TMEM67: variants seen among roughly 807,000 people sequenced by gnomAD.
TMEM67 encodes the protein transmembrane protein 67, also known as meckelin.
Under a neutral mutation model 136.6 loss-of-function variants are expected in TMEM67, and 124 were observed. The observed-to-expected ratio is 0.91, with a 90% CI of 0.78 to 1.05. The LOEUF is 1.05. TMEM67 is among the 50% of genes least tolerant of loss of function. The pLI, the probability that TMEM67 is intolerant of heterozygous loss-of-function variation, is 0.00. For missense variants in TMEM67, 1,107 were observed against 1,178.4 expected, an observed-to-expected ratio of 0.94 and a Z score of 0.89; for synonymous variants, 364 against 390.5, an observed-to-expected ratio of 0.93 and a Z score of 0.80.
the TMEM67 span, among the ~76,000 whole-genome samples, chr8:93,825,825 C>T: frequency 6.6e-6 from 1 of 152,186 alleles, no homozygotes; most frequent in Non-Finnish European, 1.5e-5. Context: ...GAGGTTATCT[C>T]TCTTGGGGGA....
At chr8:93,818,396 C>A (rs577367016), downstream of TMEM67, among the ~76,000 whole-genome samples, 1 of 152,156 alleles carries the variant, frequency 6.6e-6, no homozygotes, top group African/African-American at 2.4e-5. Context: ...TAGACCAGTG[C>A]CTCTGTTATG....
intron 7 of TMEM67, among the ~76,000 whole-genome samples, chr8:93,773,850 C>CCTTAGTT (rs1424743903): frequency 6.6e-6 from 1 of 151,786 alleles, no homozygotes; most frequent in Non-Finnish European, 1.5e-5. Flanking sequence ...ATGAGTTTTT[C>CCTTAGTT]CTTAGTTCTT....
At chr8:93,823,064 A>AT (rs1317344044), downstream of TMEM67, among the ~76,000 whole-genome samples, 1 of 152,254 alleles carries the variant, frequency 6.6e-6, no homozygotes, top group Non-Finnish European at 1.5e-5. Context: ...CAATAAAAGC[A>AT]TAGTAAGTAC....
At chr8:93,766,294 A>G (rs940519731) in intron 6 of TMEM67, among the ~76,000 whole-genome samples, 1 of 151,542 alleles carries the variant, frequency 6.6e-6, no homozygotes, top group Non-Finnish European at 1.5e-5. Flanking sequence ...AATTTTTTGT[A>G]TTTTCAGTAG....
In TMEM67 at chr8:93,804,753, T is replaced by C. The variant is rs1815054161; in HGVS notation, c.2323-9T>C. On this transcript the variant is annotated splice_polypyrimidine_tract_variant and intron_variant, in intron 22 of 27. Transcript: ENST00000453321. ...TTGCTATTTGCTTCTTTTTATTCTC[T>C]TTTTATAGATATCAGTGTTTCTGTT... 1.3e-6 allele frequency: 2 copies of C among 1,504,090 alleles called. No individual in the cohort carries two copies. The highest frequency in any genetic ancestry group is 1.4e-5 in the African/African-American group (1 of 72,618). The allele number at this position is 1,504,090 out of a possible 1,614,324, so 93.2% of individuals were successfully genotyped here. A position where few individuals can be genotyped will look rare whatever the true frequency, so the allele number is the denominator to read the frequency against.
chr8:93,768,242 T>G (rs1417420741), intron 6 of TMEM67, among the ~76,000 whole-genome samples: 2 of 150,692 alleles, frequency 1.3e-5, no homozygotes, highest in Admixed American at 6.7e-5. Flanking sequence ...GTATGTCCTC[T>G]CACCAAACGT....
intron 4 of TMEM67, among the ~76,000 whole-genome samples, chr8:93,764,300 A>G (rs929071436): frequency 6.6e-6 from 1 of 152,202 alleles, no homozygotes; most frequent in African/African-American, 2.4e-5. Context: ...CACTCTGTAC[A>G]GGGTAGCTAT....
At chr8:93,801,771 T>A (rs1814882396) in intron 21 of TMEM67, among the ~76,000 whole-genome samples, 1 of 152,178 alleles carries the variant, frequency 6.6e-6, no homozygotes, top group African/African-American at 2.4e-5. Flanking sequence ...ATTAACTTTT[T>A]AAATATATAC....
At chr8:93,762,866 A>G in intron 3 of TMEM67, 1 of 365,626 alleles carries the variant, frequency 2.7e-6, no homozygotes, top group South Asian at 2.1e-5. Flanking sequence ...ATATTGTTCT[A>G]GCATACTTTT....
At chr8:93,781,624 A>G (rs778373569) in intron 9 of TMEM67, 34 bp from the exon 10 acceptor site, 3 of 1,060,472 alleles carry the variant, frequency 2.8e-6, no homozygotes, top group South Asian at 2.7e-5. Context: ...CTTTCAGAGT[A>G]TTTGACCTGA....
rs1385250935 is a variant in TMEM67 at position 93,754,977 on chromosome 8, C to G, written c.63C>G (p.Ala21=). The change falls in exon 1 of 28, where the codon GCC becomes GCG. Residue 21 remains alanine (A), a synonymous_variant. Coordinates refer to ENST00000453321, the MANE Select transcript of TMEM67 (RefSeq NM_153704.6). ...TTTGGTCCCTCTTATCCGCCCGGGCCGTGACCGCGTTCCTTCTGTTGTTCC... is the reference window on the plus strand; with the variant it reads ...TTTGGTCCCTCTTATCCGCCCGGGCGGTGACCGCGTTCCTTCTGTTGTTCC... ...MAVWSLLSAR[A]VTAFLLLFLP... is the part of the protein sequence containing the mutation. 6.2e-6 allele frequency: 10 copies of G among 1,614,154 alleles called. No homozygotes were observed. Among genetic ancestry groups the G allele is most frequent in the Middle Eastern group, 1.6e-4 (1 of 6,062 alleles).
intron 6 of TMEM67, among the ~76,000 whole-genome samples, chr8:93,769,961 A>C (rs1352212613): frequency 6.6e-6 from 1 of 152,206 alleles, no homozygotes; most frequent in Non-Finnish European, 1.5e-5. Flanking sequence ...CAAGGCATCC[A>C]ATCCTACTCA....
intron 11 of TMEM67, among the ~76,000 whole-genome samples, chr8:93,782,834 C>T (rs76808331): frequency 0.016 from 2,463 of 152,074 alleles, 71 homozygotes; most frequent in African/African-American, 0.054. Flanking sequence ...CTCAGCCTCC[C>T]GAAGTGCTGA....
the TMEM67 span, among the ~76,000 whole-genome samples, chr8:93,828,446 C>G: frequency 2.6e-5 from 4 of 152,020 alleles, no homozygotes; most frequent in East Asian, 3.9e-4. Flanking sequence ...GAACACTTAC[C>G]AAGAGAAAAG....
Position 93,758,587 on chromosome 8 carries a change from G to A in TMEM67, c.406+11G>A. 6.3e-7 allele frequency: 1 copy of A among 1,593,564 alleles called. No individual in the cohort carries two copies. Among genetic ancestry groups the A allele is most frequent in the Non-Finnish European group, 8.6e-7 (1 of 1,161,462 alleles). On this transcript the variant is annotated intron_variant, in intron 3 of 27. Coordinates refer to ENST00000453321, the MANE Select transcript of TMEM67 (RefSeq NM_153704.6). ...TTGGCCATATTTTAGGTAAGAATTAGATTCCTTATAAAGAAGTAGTGATAA... is the reference window on the plus strand; with the variant it reads ...TTGGCCATATTTTAGGTAAGAATTAAATTCCTTATAAAGAAGTAGTGATAA...
At position 93,808,858 on chromosome 8, in the gene TMEM67, A is replaced by G; in HGVS notation, c.2458A>G (p.Arg820Gly). The change falls in exon 24 of 28, where the codon AGA (arginine) becomes GGA (glycine). Residue 820 changes from arginine to glycine, a missense_variant. Physicochemically the swap from Arg to Gly is moderately radical, Grantham distance 125 (BLOSUM62 -2). This residue lies in a region of TMEM67 where 925 missense variants were observed against 1,002.4 expected (regional missense o/e 0.92). Transcript: ENST00000453321. Reference sequence around the variant, plus strand: ...TTTTCAGGAAAATTTGTGTAGCCAGAGAGGTTTGGTACCCAACACAGATGG... The same window carrying G: ...TTTTCAGGAAAATTTGTGTAGCCAGGGAGGTTTGGTACCCAACACAGATGG... Reference protein sequence around the residue: ...KREAENLCSQRGLVPNTDGQT... With the variant: ...KREAENLCSQGGLVPNTDGQT... The G allele has an allele frequency of 6.2e-7, 1 of 1,609,906 alleles. No homozygotes were observed. Among genetic ancestry groups the G allele is most frequent in the Non-Finnish European group, 8.5e-7 (1 of 1,176,474 alleles).
Position 93,793,229 on chromosome 8 carries a change from T to A in TMEM67, c.1607T>A (p.Val536Asp), listed in dbSNP as rs779126654. 6.2e-7 allele frequency: 1 copy of A among 1,614,164 alleles called. No individual in the cohort carries two copies. Among genetic ancestry groups the A allele is most frequent in the Non-Finnish European group, 8.5e-7 (1 of 1,180,020 alleles). The change falls in exon 16 of 28, where the codon GTT (valine) becomes GAT (aspartate). Residue 536 changes from valine (V) to aspartate (D), a missense_variant. Transcript: ENST00000453321. ...IALGVLGGLA[V>D]LASLLKTAGW... ...TTGGGTGTATTGGGTGGGCTAGCTG[T>A]TTTAGCATCTCTTTTGAAGACAGCA... is the stretch of plus-strand genomic sequence containing the variant.
At chr8:93,772,016 T>G (rs1292956808) in intron 6 of TMEM67, among the ~76,000 whole-genome samples, 1 of 152,184 alleles carries the variant, frequency 6.6e-6, no homozygotes, top group Non-Finnish European at 1.5e-5. Flanking sequence ...AAAGTAATGT[T>G]TTTTAGCCAG....
chr8:93,793,580 G>T lies in TMEM67; in HGVS notation c.1674+284G>T, dbSNP rs1814480775. Among the ~76,000 whole-genome samples, 3 of 152,024 alleles carry T rather than the reference G, an allele frequency of 2.0e-5. No individual in the cohort carries two copies. In the South Asian group the frequency reaches 6.2e-4, roughly 31 times the overall value. ...CTTTTCATTTTTTGCCAACCTCATG[G>T]CATATAGTAGTATGTCATTGTTGAT... On this transcript the variant is annotated intron_variant, in intron 16 of 27. Transcript: ENST00000453321.
Sources: gnomAD v4.1 joint callset for allele counts (sites outside exome capture counted in the v4.1 genomes callset) on GRCh38, gnomAD v4.1.1 for gene constraint, gnomAD v4.1.1 regional missense constraint, MANE v1.5 for transcripts, NCBI Gene and HGNC (gene_info 2026-07-23, HGNC 2026-07-21) for gene names.